The following OTOF variants were observed in gnomAD, a reference collection of about 807,000 sequenced individuals.
OTOF encodes otoferlin, also known as fer-1-like family member 2.
OTOF carries 218 observed loss-of-function variants against 236.8 expected under a neutral mutation model. The ratio of observed to expected loss-of-function variants is 0.92; its 90% CI spans 0.82 to 1.03. The LOEUF (loss-of-function observed/expected upper bound fraction) is 1.03, where lower values mean the gene tolerates loss of function less well. Ranked by LOEUF, OTOF falls within the 50% of genes least tolerant of loss-of-function variation. The pLI, the probability that OTOF is intolerant of heterozygous loss-of-function variation, is 0.00. For synonymous variants in OTOF, 1,041 were observed against 1,072.5 expected (o/e 0.97, Z 0.57); for missense variants, 2,590 against 2,694.4 (o/e 0.96, Z 0.86).
intron 24 of OTOF, among the ~76,000 whole-genome samples, 170 bp downstream of exon 24, chr2:26,475,744 C>A (rs1665224637): frequency 6.6e-6 from 1 of 152,172 alleles, no homozygotes; most frequent in South Asian, 2.1e-4. Flanking sequence ...CCAGTGTGAC[C>A]CGCGTCTGCT....
intron 1 of OTOF, among the ~76,000 whole-genome samples, chr2:26,544,213 T>TA (rs1667276371): frequency 6.6e-6 from 1 of 152,234 alleles, no homozygotes; most frequent in Non-Finnish European, 1.5e-5. Flanking sequence ...AGGTGAAACT[T>TA]ACATTCATGG....
At chr2:26,487,561 G>A (rs1285050376) in intron 11 of OTOF, among the ~76,000 whole-genome samples, 1 of 152,174 alleles carries the variant, frequency 6.6e-6, no homozygotes, top group Admixed American at 6.5e-5. Flanking sequence ...CTGGGACAGT[G>A]AGCTTAGCCC....
At chr2:26,525,570 C>T (rs773667715) in intron 3 of OTOF, among the ~76,000 whole-genome samples, 2 of 152,194 alleles carry the variant, frequency 1.3e-5, no homozygotes, top group African/African-American at 4.8e-5. Flanking sequence ...AATACCTCAT[C>T]TCAGTATCTC....
At chr2:26,517,331 G>A (rs1250716305) in intron 4 of OTOF, among the ~76,000 whole-genome samples, 2 of 152,142 alleles carry the variant, frequency 1.3e-5, no homozygotes, top group African/African-American at 4.8e-5. Flanking sequence ...CCCCAGACAG[G>A]CGGCCCTCAC....
Position 26,458,216 on chromosome 2 carries a change from G to A in OTOF, c.*22C>T. On this transcript the variant is annotated 3_prime_UTR_variant, in exon 47 of 47. Transcript: ENST00000272371. The stretch of plus-strand genomic sequence containing the variant: ...AGGAACCAGACGAAGGCCGTGTCGG[G>A]CCGGCTGGGAAGTGGAAGAGAGGAG... 2 of 1,580,278 alleles carry A rather than the reference G, an allele frequency of 1.3e-6. No homozygotes were observed. Among genetic ancestry groups the A allele is most frequent in the South Asian group, 1.1e-5 (1 of 87,402 alleles).
Position 26,473,831 on chromosome 2 carries a change from C to G in OTOF, c.3408+160G>C, listed in dbSNP as rs796550882. 6.6e-6 allele frequency among the ~76,000 whole-genome samples: 1 copy of G among 151,988 alleles called. No individual in the cohort carries two copies. The highest frequency in any genetic ancestry group is 2.4e-5 in the African/African-American group (1 of 41,342). On this transcript the variant is annotated intron_variant, in intron 27 of 46. Transcript: ENST00000272371. The surrounding 1 kb of genome is among the most constrained non-coding windows in gnomAD (Gnocchi z 7.2). ...GGCATGGTCCTGGGACATGGGAGTG[C>G]GACTTGGTGCAGATGGGGGCAGGCC...
intron 12 of OTOF, 141 bp downstream of exon 12, chr2:26,484,333 G>C (rs1665647580): frequency 1.2e-6 from 1 of 867,604 alleles, no homozygotes. Context: ...TGCCTCGGAA[G>C]AGTGGGGCTG....
At position 26,473,500 on chromosome 2, in the gene OTOF, T is replaced by A; in HGVS notation, c.3476A>T (p.Asp1159Val). 1.2e-6 allele frequency: 2 copies of A among 1,612,984 alleles called. No individual in the cohort carries two copies. The highest frequency in any genetic ancestry group is 8.5e-7 in the Non-Finnish European group (1 of 1,179,950). ...CACCCCCTTCCCTGCACACTCGATGTCCACCCGTGGCCGGTCCACCTGGGC... is the reference window on the plus strand; with the variant it reads ...CACCCCCTTCCCTGCACACTCGATGACCACCCGTGGCCGGTCCACCTGGGC... ...NLAQVDRPRV[D>V]IECAGKGVQS... Residue 1159 changes from aspartate to valine, a missense_variant, in exon 28 of 47, where the codon GAC becomes GTC. Asp to Val is a radical substitution (Grantham distance 152). Transcript: ENST00000272371. This position sits in a 1 kb window ranked among gnomAD's most constrained non-coding sequence, Gnocchi z 7.2.
chr2:26,516,164 C>T (rs1299253330), intron 5 of OTOF, among the ~76,000 whole-genome samples: 1 of 152,246 alleles, frequency 6.6e-6, no homozygotes, highest in Non-Finnish European at 1.5e-5. Context: ...CTCCACCTCC[C>T]TCAGGGCCAC....
Position 26,464,015 on chromosome 2 carries a change from C to G in OTOF, c.5052G>C (p.Glu1684Asp). ...TGAGCAGCGGCCTCGTCTCCACATG[C>G]TCTGGCACCAGGCGGCAGCCTGCGC... ...IPRAGCRLVPEHVETRPLLNP... is the reference protein window; with the variant it reads ...IPRAGCRLVPDHVETRPLLNP... The change falls in exon 40 of 47, where the codon GAG (glutamate) becomes GAC (aspartate). Residue 1684 changes from glutamate (E) to aspartate (D), a missense_variant. Physicochemically the swap from Glu to Asp is conservative, Grantham distance 45. Coordinates refer to ENST00000272371, the MANE Select transcript of OTOF (RefSeq NM_194248.3). 1 of 1,613,816 alleles carries G rather than the reference C, an allele frequency of 6.2e-7. No homozygotes were observed. The highest frequency in any genetic ancestry group is 8.5e-7 in the Non-Finnish European group (1 of 1,180,034).
rs1018118704 is a variant in OTOF at position 26,467,402 on chromosome 2, G to A, written c.4190C>T (p.Ala1397Val). ...AATCTTGGGTTTCTTCTTCTCGGGG[G>A]CCTCGGACCCCTGGCCAGAGCCAGA... is the stretch of plus-strand genomic sequence containing the variant. ...QSSGSGQGSE[A>V]PEKKKPKIDE... is the part of the protein sequence containing the mutation. The change falls in exon 34 of 47, where the codon GCC (alanine) becomes GTC (valine). Residue 1397 changes from alanine (A) to valine (V), a missense_variant. This residue lies in a region of OTOF where 1,211 missense variants were observed against 1,352.8 expected (regional missense o/e 0.90). Transcript: ENST00000272371. 6.2e-7 allele frequency: 1 copy of A among 1,613,814 alleles called. No homozygotes were observed.
rs1190468654 is a variant in OTOF, at chr2:26,462,140, A to G, written c.5234T>C (p.Val1745Ala). 3 of 1,613,712 alleles carry G rather than the reference A, an allele frequency of 1.9e-6. No homozygotes were observed. The highest frequency in any genetic ancestry group is 1.3e-5 in the African/African-American group (1 of 74,788). ...TGTGAAGAAGTCGTCGTCCTCCAAG[A>G]CCACCTCATCTGTGTTCCAGATGAT... ...RVIIWNTDEV[V>A]LEDDDFFTGE... Residue 1745 changes from valine (V) to alanine (A), a missense_variant, in exon 42 of 47, where the codon GTC (valine) becomes GCC (alanine). This residue lies in a region of OTOF where 1,211 missense variants were observed against 1,352.8 expected (regional missense o/e 0.90). Coordinates refer to ENST00000272371, the MANE Select transcript of OTOF (RefSeq NM_194248.3). The surrounding 1 kb of genome is among the most constrained non-coding windows in gnomAD (Gnocchi z 4.7).
At position 26,460,749 on chromosome 2, in the gene OTOF, T is replaced by C. The variant is rs111033455; in HGVS notation, c.5713-2A>G. On this transcript the variant is annotated splice_acceptor_variant, in intron 44 of 46. Coordinates refer to ENST00000272371, the MANE Select transcript of OTOF (RefSeq NM_194248.3). LOFTEE classifies it high-confidence loss of function. The surrounding 1 kb of genome is among the most constrained non-coding windows in gnomAD (Gnocchi z 5.3). ...ATGCAGCTCAGCCTCCACCTTGCCCTGCAGAGGACAGACAGGTCCCAGCGT... is the reference window on the plus strand; with the variant it reads ...ATGCAGCTCAGCCTCCACCTTGCCCCGCAGAGGACAGACAGGTCCCAGCGT... The C allele has an allele frequency of 9.9e-6, 16 of 1,613,828 alleles. No homozygotes were observed. The highest frequency in any genetic ancestry group is 1.7e-6 in the Non-Finnish European group (2 of 1,179,922).
At chr2:26,497,089 CTTTTTTTTTTTTTTTT>C (rs201349303) in intron 8 of OTOF, among the ~76,000 whole-genome samples, 1,310 of 97,798 alleles carry the variant, frequency 0.013, 42 homozygotes, top group African/African-American at 0.037. Flanking sequence ...GTACATTCTT[CTTTTTTTTTTTTTTTT>C]TTTTTTTTTT....
At chr2:26,511,976 T>C (rs1352784414) in intron 5 of OTOF, among the ~76,000 whole-genome samples, 2 of 152,184 alleles carry the variant, frequency 1.3e-5, no homozygotes, top group African/African-American at 4.8e-5. Flanking sequence ...AGCCCCACCA[T>C]GCACACGTGC....
chr2:26,506,579 C>T (rs1369269226), intron 5 of OTOF, among the ~76,000 whole-genome samples: 1 of 152,212 alleles, frequency 6.6e-6, no homozygotes, highest in Non-Finnish European at 1.5e-5. Flanking sequence ...GAGGCTGGTC[C>T]CATGGACTCA....
rs773465087 is a variant in OTOF at position 26,473,131 on chromosome 2, C to T, written c.3733+1G>A. The T allele has an allele frequency of 5.0e-6, 8 of 1,611,436 alleles. No homozygotes were observed. Among genetic ancestry groups the T allele is most frequent in the Non-Finnish European group, 6.8e-6 (8 of 1,179,646 alleles). ...TGGTGGCAGGGTGGATGTGGCCATA[C>T]CCGTGGTGTTCCAGCTGGGGGCCGA... On this transcript the variant is annotated splice_donor_variant, in intron 29 of 46. Coordinates refer to ENST00000272371, the MANE Select transcript of OTOF (RefSeq NM_194248.3). LOFTEE classifies it high-confidence loss of function. The surrounding 1 kb of genome is among the most constrained non-coding windows in gnomAD (Gnocchi z 7.2).
intron 2 of OTOF, among the ~76,000 whole-genome samples, chr2:26,532,256 G>A (rs566123945): frequency 2.0e-4 from 31 of 152,238 alleles, no homozygotes; most frequent in African/African-American, 7.0e-4. Flanking sequence ...GGAGAGGCGA[G>A]AGTTGCCCGC....
At chr2:26,518,343 T>C (rs1666586517) in intron 4 of OTOF, among the ~76,000 whole-genome samples, 1 of 152,246 alleles carries the variant, frequency 6.6e-6, no homozygotes, top group Non-Finnish European at 1.5e-5. Context: ...TTTGAGGTGA[T>C]ATGTAGCTTG....
Sources: allele counts gnomAD v4.1 joint callset (sites outside exome capture counted in the v4.1 genomes callset), GRCh38; gene constraint gnomAD v4.1.1; regional missense constraint gnomAD v4.1.1; non-coding constraint Gnocchi (gnomAD v3.1); transcripts MANE v1.5; gene names NCBI Gene and HGNC (gene_info 2026-07-23, HGNC 2026-07-21).